Variants in LOC128462377 observed in about 807,000 individuals in gnomAD.
chr16:89,375,464 C>CT, the LOC128462377 span, among the ~76,000 whole-genome samples: 2 of 149,124 alleles, frequency 1.3e-5, no homozygotes. Context: ...GACTCTATCT[C>CT]TTTTTTTTTT....
the LOC128462377 span, chr16:89,360,755 G>A: frequency 1.3e-5 from 2 of 152,246 alleles, no homozygotes; most frequent in Non-Finnish European, 2.9e-5. Context: ...CTATGGAGAG[G>A]AAGAGGAGAA....
At chr16:89,322,239 C>T in the LOC128462377 span, among the ~76,000 whole-genome samples, 1 of 152,226 alleles carries the variant, frequency 6.6e-6, no homozygotes, top group African/African-American at 2.4e-5. Flanking sequence ...GTGAGTCTCT[C>T]TCCCTGAACA....
At chr16:89,345,364 C>A in the LOC128462377 span, among the ~76,000 whole-genome samples, 1 of 151,946 alleles carries the variant, frequency 6.6e-6, no homozygotes, top group Non-Finnish European at 1.5e-5. Context: ...GGTGCCCCAT[C>A]TGGGGAGGCT....
the LOC128462377 span, among the ~76,000 whole-genome samples, chr16:89,367,276 C>G: frequency 6.6e-6 from 1 of 152,258 alleles, no homozygotes; most frequent in African/African-American, 2.4e-5. Context: ...CCGCTCCAGA[C>G]TCCTGCCGCA....
At chr16:89,334,832 C>G in the LOC128462377 span, among the ~76,000 whole-genome samples, 535 of 152,246 alleles carry the variant, frequency 3.5e-3, 3 homozygotes, top group Middle Eastern at 6.8e-3. Context: ...CCACAACACA[C>G]GGGGCGCACG....
chr16:89,325,444 C>A, the LOC128462377 span, among the ~76,000 whole-genome samples: 1 of 125,766 alleles, frequency 8.0e-6, no homozygotes, highest in Non-Finnish European at 1.6e-5. Flanking sequence ...TCCCCTCTCC[C>A]CTCTCCTCTC....
chr16:89,326,757 C>G, the LOC128462377 span, among the ~76,000 whole-genome samples: 2 of 152,178 alleles, frequency 1.3e-5, no homozygotes, highest in South Asian at 2.1e-4. Context: ...AACCCAAACC[C>G]CAAACCAAAA....
the LOC128462377 span, among the ~76,000 whole-genome samples, chr16:89,349,213 A>C: frequency 1.3e-5 from 2 of 151,458 alleles, no homozygotes; most frequent in African/African-American, 4.9e-5. Flanking sequence ...AAGAATCGAT[A>C]AATAGAATGA....
chr16:89,410,223 G>C, the LOC128462377 span, among the ~76,000 whole-genome samples: 4 of 152,170 alleles, frequency 2.6e-5, no homozygotes, highest in Non-Finnish European at 5.9e-5. Flanking sequence ...TGCCAACCCG[G>C]TGGGTACGGC....
chr16:89,381,744 T>C, the LOC128462377 span, among the ~76,000 whole-genome samples: 2 of 152,158 alleles, frequency 1.3e-5, no homozygotes, highest in Non-Finnish European at 2.9e-5. Context: ...TGTCAGCATA[T>C]ACACCCCTCC....
chr16:89,352,660 A>G, the LOC128462377 span, among the ~76,000 whole-genome samples: 1 of 152,314 alleles, frequency 6.6e-6, no homozygotes, highest in Non-Finnish European at 1.5e-5. Context: ...CATCAGCACC[A>G]AAGTGTTCTG....
chr16:89,392,096 A>C, the LOC128462377 span, among the ~76,000 whole-genome samples: 182 of 152,310 alleles, frequency 1.2e-3, no homozygotes, highest in African/African-American at 4.3e-3. Flanking sequence ...CAAATACAGA[A>C]TGTGAGGTCC....
chr16:89,372,582 CATTAAGAT>C, the LOC128462377 span, among the ~76,000 whole-genome samples: 23 of 152,168 alleles, frequency 1.5e-4, no homozygotes, highest in East Asian at 3.7e-3. Flanking sequence ...AAAATACTAA[CATTAAGAT>C]ATTAATACTA....
At chr16:89,366,643 G>A in the LOC128462377 span, among the ~76,000 whole-genome samples, 1 of 152,202 alleles carries the variant, frequency 6.6e-6, no homozygotes, top group Non-Finnish European at 1.5e-5. Flanking sequence ...GCTAACCCGA[G>A]CTGTTTCCTG....
chr16:89,322,348 G>A, the LOC128462377 span, among the ~76,000 whole-genome samples: 1 of 152,196 alleles, frequency 6.6e-6, no homozygotes, highest in Non-Finnish European at 1.5e-5. Flanking sequence ...AGGCCTTTAC[G>A]TACGTCCTGG....
chr16:89,327,629 T>A, the LOC128462377 span, among the ~76,000 whole-genome samples: 1 of 152,206 alleles, frequency 6.6e-6, no homozygotes, highest in African/African-American at 2.4e-5. Flanking sequence ...ATGCTACCAA[T>A]AATCCTATGA....
the LOC128462377 span, among the ~76,000 whole-genome samples, chr16:89,402,652 G>T: frequency 6.7e-6 from 1 of 149,898 alleles, no homozygotes; most frequent in African/African-American, 2.5e-5. Flanking sequence ...GGGCAGCACT[G>T]CAGGGTGAGG....
the LOC128462377 span, among the ~76,000 whole-genome samples, chr16:89,365,348 G>C: frequency 3.6e-4 from 55 of 152,286 alleles, no homozygotes; most frequent in Admixed American, 1.2e-3. Flanking sequence ...TCACCTTAAA[G>C]AGCATGAGGC....
chr16:89,317,209 G>A, the LOC128462377 span: 1,464 of 717,598 alleles, frequency 2.0e-3, 14 homozygotes, highest in African/African-American at 0.023. Flanking sequence ...TGGGGCCCGG[G>A]CCAGGCCCAG....
Sources: gnomAD v4.1 joint callset for allele counts (sites outside exome capture counted in the v4.1 genomes callset) on GRCh38, gnomAD v4.1.1 for gene constraint, MANE v1.5 for transcripts.